Variants in PAK1 observed in about 807,000 individuals in gnomAD.
PAK1 encodes serine/threonine-protein kinase PAK 1.
Under a neutral mutation model 67.4 loss-of-function variants are expected in PAK1, and 29 were observed. The observed-to-expected ratio is 0.43, with a 90% CI of 0.32 to 0.59. The LOEUF (loss-of-function observed/expected upper bound fraction) is 0.59, where lower values mean the gene tolerates loss of function less well. Among genes scored for constraint, PAK1 ranks in the 20% least tolerant of loss-of-function variants. The probability of loss-of-function intolerance (pLI) is 0.07; values close to 1 mark genes in which losing one functional copy is unlikely to be tolerated. For synonymous variants in PAK1, 223 were observed against 237.4 expected (o/e 0.94, Z 0.56); for missense variants, 337 against 670.7 (o/e 0.50, Z 5.50).
At chr11:77,377,511 A>G (rs552540053) in intron 4 of PAK1, among the ~76,000 whole-genome samples, 5 of 152,326 alleles carry the variant, frequency 3.3e-5, no homozygotes, top group African/African-American at 1.2e-4. Context: ...TATACACTCA[A>G]TATTATTCAT....
the PAK1 span, among the ~76,000 whole-genome samples, chr11:77,490,972 C>A: frequency 6.6e-6 from 1 of 151,990 alleles, no homozygotes; most frequent in Non-Finnish European, 1.5e-5. Context: ...ATCTCAAGTA[C>A]CCAGGGACAC....
At chr11:77,374,104 A>T (rs113195774) in intron 5 of PAK1, among the ~76,000 whole-genome samples, 4,023 of 152,316 alleles carry the variant, frequency 0.026, 75 homozygotes, top group African/African-American at 0.054. Context: ...AATTAAAAAT[A>T]AAAAAATTAT....
At chr11:77,516,755 G>A in the PAK1 span, among the ~76,000 whole-genome samples, 2 of 147,956 alleles carry the variant, frequency 1.4e-5, no homozygotes, top group African/African-American at 5.0e-5. Flanking sequence ...TGTAACCTTA[G>A]CCCTTGAGAG....
intron 1 of PAK1, among the ~76,000 whole-genome samples, chr11:77,461,262 TTA>T (rs1379018768): frequency 3.9e-5 from 6 of 152,216 alleles, no homozygotes; most frequent in Non-Finnish European, 8.8e-5. Context: ...CCTGATAGTT[TTA>T]TGTGTCAACT....
In PAK1 at chr11:77,349,219, AGTGGGTG is replaced by A. The variant is rs1264752130; in HGVS notation, c.885+13_885+19del. ...AAAGAAACAGAACTAAAGGAGCAAC[AGTGGGTG>A]GTGGATACTCACCTCCTGTCCTGTG... On this transcript the variant is annotated intron_variant, in intron 9 of 14. Transcript: ENST00000356341. The A allele has an allele frequency of 1.3e-6, 2 of 1,562,236 alleles. No homozygotes were observed. Among genetic ancestry groups the A allele is most frequent in the Non-Finnish European group, 1.8e-6 (2 of 1,141,668 alleles).
At chr11:77,331,331 C>T (rs1406815124) in intron 14 of PAK1, among the ~76,000 whole-genome samples, 2 of 152,312 alleles carry the variant, frequency 1.3e-5, no homozygotes, top group Non-Finnish European at 2.9e-5. Context: ...AAGACACATG[C>T]ACACGTATGT....
intron 1 of PAK1, among the ~76,000 whole-genome samples, chr11:77,457,388 T>C (rs1290838258): frequency 6.6e-6 from 1 of 152,216 alleles, no homozygotes; most frequent in Non-Finnish European, 1.5e-5. Flanking sequence ...TGTGAAAAGA[T>C]ATTCAGGTGC....
intron 1 of PAK1, among the ~76,000 whole-genome samples, chr11:77,465,309 G>A (rs1021854685): frequency 7.9e-5 from 12 of 152,074 alleles, no homozygotes; most frequent in Non-Finnish European, 1.6e-4. Flanking sequence ...TAACTTCCCA[G>A]CTACATAATC....
intron 1 of PAK1, among the ~76,000 whole-genome samples, chr11:77,452,928 C>CT (rs1408731753): frequency 6.6e-6 from 1 of 152,198 alleles, no homozygotes; most frequent in East Asian, 1.9e-4. Flanking sequence ...AGGCTTATGA[C>CT]TTTAACTAAA....
intron 14 of PAK1, among the ~76,000 whole-genome samples, 191 bp downstream of exon 14, chr11:77,332,539 G>A (rs1291243851): frequency 1.3e-5 from 2 of 151,534 alleles, no homozygotes; most frequent in East Asian, 2.0e-4. Context: ...AGTTTTAACA[G>A]GCTGAGAAAG....
At chr11:77,465,549 C>A (rs919819448) in intron 1 of PAK1, among the ~76,000 whole-genome samples, 1 of 151,836 alleles carries the variant, frequency 6.6e-6, no homozygotes, top group African/African-American at 2.4e-5. Flanking sequence ...AGTTACTTTA[C>A]AAATTACATA....
the PAK1 span, among the ~76,000 whole-genome samples, chr11:77,513,093 G>A: frequency 6.6e-6 from 1 of 151,942 alleles, no homozygotes; most frequent in Non-Finnish European, 1.5e-5. Context: ...CTGTCTCAGA[G>A]AAAAAGAAAA....
chr11:77,430,505 GC>G (rs926892750), intron 1 of PAK1, among the ~76,000 whole-genome samples: 1 of 152,210 alleles, frequency 6.6e-6, no homozygotes, highest in Non-Finnish European at 1.5e-5. Flanking sequence ...ACAAGCTGTA[GC>G]TGTCAACAAA....
At chr11:77,402,119 T>C (rs1191536169) in intron 1 of PAK1, among the ~76,000 whole-genome samples, 2 of 152,166 alleles carry the variant, frequency 1.3e-5, no homozygotes, top group Non-Finnish European at 2.9e-5. Flanking sequence ...GATCACTAAA[T>C]GAAAGAGTGA....
chr11:77,411,565 C>T (rs1954532985), intron 1 of PAK1, among the ~76,000 whole-genome samples: 1 of 152,120 alleles, frequency 6.6e-6, no homozygotes, highest in Non-Finnish European at 1.5e-5. Flanking sequence ...CTGGGCAGAG[C>T]TCTGATTCCA....
chr11:77,418,105 TA>T (rs889426394), intron 1 of PAK1, among the ~76,000 whole-genome samples: 1 of 152,050 alleles, frequency 6.6e-6, no homozygotes, highest in African/African-American at 2.4e-5. Context: ...TCTATTAAAA[TA>T]AAAAAGTATC....
chr11:77,494,196 C>T, the PAK1 span, among the ~76,000 whole-genome samples: 468 of 152,262 alleles, frequency 3.1e-3, 6 homozygotes, highest in African/African-American at 0.01. Context: ...GCACTGTAAC[C>T]TCATAAATCT....
intron 1 of PAK1, among the ~76,000 whole-genome samples, chr11:77,414,547 A>G (rs1954843788): frequency 6.6e-6 from 1 of 152,260 alleles, no homozygotes; most frequent in Admixed American, 6.5e-5. Flanking sequence ...ATTAATGAAA[A>G]CATAAATAGA....
intron 2 of PAK1, among the ~76,000 whole-genome samples, chr11:77,388,465 T>TGCCTCA (rs1950726844): frequency 6.6e-6 from 1 of 152,246 alleles, no homozygotes; most frequent in African/African-American, 2.4e-5. Flanking sequence ...GCCATTCTCC[T>TGCCTCA]GCCTCAGCCT....
Sources: gnomAD v4.1 joint callset for allele counts (sites outside exome capture counted in the v4.1 genomes callset) on GRCh38, gnomAD v4.1.1 for gene constraint, MANE v1.5 for transcripts, NCBI Gene and HGNC (gene_info 2026-07-23, HGNC 2026-07-21) for gene names.